The following RPTOR variants were observed in gnomAD, a reference collection of about 807,000 sequenced individuals.
RPTOR encodes the protein regulatory-associated protein of mTOR.
RPTOR carries 21 observed loss-of-function variants against 169.9 expected under a neutral mutation model. The observed-to-expected ratio is 0.12, with a 90% CI of 0.09 to 0.18. The LOEUF (loss-of-function observed/expected upper bound fraction) is 0.18, where lower values mean the gene tolerates loss of function less well. RPTOR is among the 10% of genes least tolerant of loss of function. The pLI, the probability that RPTOR is intolerant of heterozygous loss-of-function variation, is 1.00. For synonymous variants in RPTOR, 732 were observed against 753.2 expected (o/e 0.97, Z 0.46); for missense variants, 1,133 against 1,855.9 (o/e 0.61, Z 7.16).
At position 80,760,060 on chromosome 17, in the gene RPTOR, C is replaced by T. The variant is rs138925191; in HGVS notation, c.830+5875C>T. ...TTTATATTTCACTATGTTGAAGTTCCATGTTTTATTTAGCCGGAGCGTAGG... is the reference window on the plus strand; with the variant it reads ...TTTATATTTCACTATGTTGAAGTTCTATGTTTTATTTAGCCGGAGCGTAGG... On this transcript the variant is annotated intron_variant, in intron 6 of 33. Transcript: ENST00000306801. Among the ~76,000 whole-genome samples, 15 of 152,196 alleles carry T rather than the reference C, an allele frequency of 9.9e-5. No homozygotes were observed. The East Asian group carries it at 2.9e-3, about 29-fold the overall frequency.
chr17:80,648,194 A>G (rs2065611713), intron 3 of RPTOR, among the ~76,000 whole-genome samples: 1 of 152,060 alleles, frequency 6.6e-6, no homozygotes, highest in African/African-American at 2.4e-5. Context: ...GTGTGCTTTT[A>G]TGAGATGCTT....
chr17:80,836,100 T>G (rs555305544), intron 9 of RPTOR, among the ~76,000 whole-genome samples: 1 of 152,206 alleles, frequency 6.6e-6, no homozygotes, highest in South Asian at 2.1e-4. Context: ...AGCCACACGC[T>G]GAATTTCACC....
intron 6 of RPTOR, among the ~76,000 whole-genome samples, chr17:80,767,500 T>A (rs2066799733): frequency 6.6e-6 from 1 of 152,242 alleles, no homozygotes; most frequent in Non-Finnish European, 1.5e-5. Flanking sequence ...AGTTATCAAA[T>A]CTGACAGAAG....
rs766632515 is a variant in RPTOR, at chr17:80,643,822, T to C, written c.348+12T>C. 2 of 1,594,584 alleles carry C rather than the reference T, an allele frequency of 1.3e-6. No individual in the cohort carries two copies. Among genetic ancestry groups the C allele is most frequent in the South Asian group, 2.2e-5 (2 of 90,146 alleles). The stretch of plus-strand genomic sequence containing the variant: ...ACTGGCAGCCAAGGGTAAGTGTGCT[T>C]CACTTGCTCTTCCCTTTCCTTCTTA... On this transcript the variant is annotated intron_variant, in intron 3 of 33. Transcript: ENST00000306801.
chr17:80,605,619 C>T (rs1235415691), intron 1 of RPTOR, among the ~76,000 whole-genome samples: 2 of 152,106 alleles, frequency 1.3e-5, no homozygotes, highest in African/African-American at 4.8e-5. Flanking sequence ...ACCAGTGAGG[C>T]CTAGACCACC....
At chr17:80,680,236 A>T (rs751314369) in intron 3 of RPTOR, among the ~76,000 whole-genome samples, 2 of 152,162 alleles carry the variant, frequency 1.3e-5, no homozygotes, top group Non-Finnish European at 2.9e-5. Context: ...CCCCATCTCA[A>T]GTCTAGAACC....
intron 3 of RPTOR, among the ~76,000 whole-genome samples, chr17:80,700,793 G>A (rs1391590432): frequency 1.3e-4 from 19 of 141,356 alleles, no homozygotes; most frequent in Non-Finnish European, 2.2e-4. Flanking sequence ...GATGGTGGTG[G>A]TGGTGATGAT....
intron 2 of RPTOR, among the ~76,000 whole-genome samples, chr17:80,641,141 C>G (rs554716835): frequency 1.7e-4 from 26 of 152,248 alleles, no homozygotes; most frequent in Non-Finnish European, 3.2e-4. Context: ...GATCACAGCA[C>G]AGTTGATTTG....
chr17:80,744,433 C>T (rs374594932), intron 5 of RPTOR, among the ~76,000 whole-genome samples: 214 of 17,834 alleles, frequency 0.012, no homozygotes, highest in East Asian at 0.032. Flanking sequence ...ACTAGCACAG[C>T]CCTGGCTACT....
intron 17 of RPTOR, among the ~76,000 whole-genome samples, chr17:80,890,935 G>A (rs573847925): frequency 8.5e-5 from 13 of 152,112 alleles, no homozygotes; most frequent in Non-Finnish European, 1.9e-4. Context: ...ACTAGCAAGG[G>A]GTCCTCTCAC....
At chr17:80,787,550 C>T (rs536133606) in intron 6 of RPTOR, among the ~76,000 whole-genome samples, 39 of 152,258 alleles carry the variant, frequency 2.6e-4, no homozygotes, top group Non-Finnish European at 5.0e-4. Context: ...GCAGAGTTGC[C>T]GGATCATAGT....
rs1567831504 is a variant in RPTOR at position 80,634,739 on chromosome 17, T to TGC, written c.265+8947_265+8948insCG. ...GCGTACTGTGTGTGTGCGTACTGTGTGTGTGCATACTGTGTGTGTGCGTAC... is the reference window on the plus strand; with the variant it reads ...GCGTACTGTGTGTGTGCGTACTGTGTGCGTGTGCATACTGTGTGTGTGCGTAC... On this transcript the variant is annotated intron_variant, in intron 2 of 33. Transcript: ENST00000306801. Among the ~76,000 whole-genome samples, 399 of 107,150 alleles carry TGC rather than the reference T, an allele frequency of 3.7e-3. 31 individuals are homozygous for TGC. The highest frequency in any genetic ancestry group is 7.2e-3 in the East Asian group (28 of 3,914). 70.3% of individuals were successfully genotyped at this position (107,150 alleles called of 152,430 possible). A position where few individuals can be genotyped will look rare whatever the true frequency, so the allele number is the denominator to read the frequency against.
chr17:80,733,307 A>G (rs1195762081), intron 5 of RPTOR, among the ~76,000 whole-genome samples: 1 of 152,240 alleles, frequency 6.6e-6, no homozygotes, highest in Non-Finnish European at 1.5e-5. Flanking sequence ...TGTAATTTAA[A>G]AATTAAGGAT....
In RPTOR at chr17:80,746,796, A is replaced by G. The variant is rs1338158348; in HGVS notation, c.655-7214A>G. ...GGGGTCAATATCTTAGGTAGATGCA[A>G]AACCAAAACAGTGTATAGGAAATAA... On this transcript the variant is annotated intron_variant, in intron 5 of 33. Transcript: ENST00000306801. The surrounding 1 kb of genome is among the most constrained non-coding windows in gnomAD (Gnocchi z 4.5). Among the ~76,000 whole-genome samples the G allele has an allele frequency of 1.3e-5, 2 of 152,182 alleles. No homozygotes were observed. Among genetic ancestry groups the G allele is most frequent in the African/African-American group, 4.8e-5 (2 of 41,426 alleles).
chr17:80,662,252 T>A (rs1009383932), intron 3 of RPTOR, among the ~76,000 whole-genome samples: 2 of 152,196 alleles, frequency 1.3e-5, no homozygotes, highest in South Asian at 2.1e-4. Flanking sequence ...CAGAGGCTAG[T>A]TTTGCCCATG....
intron 3 of RPTOR, among the ~76,000 whole-genome samples, chr17:80,692,173 A>C (rs1035637272): frequency 6.6e-6 from 1 of 152,134 alleles, no homozygotes; most frequent in African/African-American, 2.4e-5. Context: ...GTACAGTAGC[A>C]GAATCATAGT....
chr17:80,842,823 C>T (rs371041381), intron 10 of RPTOR, among the ~76,000 whole-genome samples: 28 of 152,200 alleles, frequency 1.8e-4, no homozygotes, highest in Non-Finnish European at 3.7e-4. Flanking sequence ...TCACATTTCA[C>T]GTCCCCCGTG....
intron 1 of RPTOR, among the ~76,000 whole-genome samples, chr17:80,611,882 T>C (rs948933289): frequency 4.6e-5 from 7 of 152,272 alleles, no homozygotes; most frequent in Admixed American, 2.6e-4. Context: ...CTGCTGCTTG[T>C]GTTGGAGAAT....
rs1358568919 is a variant in RPTOR at position 80,700,595 on chromosome 17, GTGATGGTGA to G, written c.349-7234_349-7226del. 5.4e-5 allele frequency among the ~76,000 whole-genome samples: 8 copies of G among 148,944 alleles called. No individual in the cohort carries two copies. In the East Asian group the frequency reaches 1.2e-3, roughly 23 times the overall value. On this transcript the variant is annotated intron_variant, in intron 3 of 33. Transcript: ENST00000306801. Reference sequence around the variant, plus strand: ...GGTGATGGTGATGATGGAAGTGGTGGTGATGGTGATGATGGTGATGGTGGTGGTGGTGGC... The same window carrying G: ...GGTGATGGTGATGATGGAAGTGGTGGTGATGGTGATGGTGGTGGTGGTGGC...
Sources: allele counts gnomAD v4.1 joint callset (sites outside exome capture counted in the v4.1 genomes callset), GRCh38; gene constraint gnomAD v4.1.1; non-coding constraint Gnocchi (gnomAD v3.1); transcripts MANE v1.5; gene names NCBI Gene and HGNC (gene_info 2026-07-23, HGNC 2026-07-21).